The following CCZ1 variants were observed in gnomAD, a reference collection of about 807,000 sequenced individuals.
The protein encoded by CCZ1 is vacuolar fusion protein CCZ1 homolog.
In CCZ1, 19 loss-of-function variants were observed where a neutral mutation model predicts 57.8. The ratio of observed to expected loss-of-function variants is 0.33; its 90% CI spans 0.23 to 0.48. The LOEUF is 0.48. Ranked by LOEUF, CCZ1 falls within the 20% of genes least tolerant of loss-of-function variation. CCZ1 has a pLI of 0.99. For synonymous variants in CCZ1, 81 were observed against 167.0 expected (o/e 0.49, Z 3.97); for missense variants, 200 against 492.0 (o/e 0.41, Z 5.61).
At position 5,920,470 on chromosome 7, in the gene CCZ1, CTT is replaced by C. The variant is rs200899553; in HGVS notation, c.1106+520_1106+521del. Among the ~76,000 whole-genome samples, 28 of 95,974 alleles carry C rather than the reference CTT, an allele frequency of 2.9e-4. 2 individuals carry two copies. The highest frequency in any genetic ancestry group is 3.8e-4 in the African/African-American group (9 of 23,756). The allele number at this position is 95,974 out of a possible 152,430, so 63.0% of individuals were successfully genotyped here. A position where few individuals can be genotyped will look rare whatever the true frequency, so the allele number is the denominator to read the frequency against. On this transcript the variant is annotated intron_variant, in intron 12 of 14. Transcript: ENST00000325974. ...ATGTCCTTGAATTCTTTCTCCCTGG[CTT>C]TTTTTTTTTTTTTTTGAGACAAATT...
At chr7:5,914,119 G>A (rs182708737) in intron 10 of CCZ1, among the ~76,000 whole-genome samples, 1 of 147,522 alleles carries the variant, frequency 6.8e-6, no homozygotes, top group Non-Finnish European at 1.5e-5. Context: ...TTAAAAATTA[G>A]TATCCACTAA....
rs542018147 is a variant in CCZ1 at position 5,910,411 on chromosome 7, G to C, written c.780+295G>C. Among the ~76,000 whole-genome samples the C allele has an allele frequency of 2.7e-5, 4 of 149,354 alleles. 1 individual carries two copies. The East Asian group carries it at 8.7e-4, about 33-fold the overall frequency. ...AGACGGAGTCTCGAACTTTCGCCTGGGATGGAGAGGTTCAAGCAATTCTCC... is the reference window on the plus strand; with the variant it reads ...AGACGGAGTCTCGAACTTTCGCCTGCGATGGAGAGGTTCAAGCAATTCTCC... On this transcript the variant is annotated intron_variant, in intron 8 of 14. Transcript: ENST00000325974.
intron 7 of CCZ1, among the ~76,000 whole-genome samples, chr7:5,908,851 T>G (rs566914403): frequency 6.8e-6 from 1 of 147,148 alleles, no homozygotes; most frequent in East Asian, 2.2e-4. Flanking sequence ...GCCTGAAAGC[T>G]TGTTTTTCTC....
intron 5 of CCZ1, 104 bp downstream of exon 5, chr7:5,901,808 C>G: frequency 7.0e-7 from 1 of 1,434,674 alleles, no homozygotes; most frequent in Non-Finnish European, 9.3e-7. Flanking sequence ...CAAAGTGACT[C>G]TGTATTTGTC....
chr7:5,899,336 T>TGTGTGG (rs1326271034), intron 1 of CCZ1, among the ~76,000 whole-genome samples: 110 of 1,194 alleles, frequency 0.092, no homozygotes, highest in African/African-American at 0.18. Flanking sequence ...GGGAGGGGGG[T>TGTGTGG]GTGTGTGTGT....
intron 10 of CCZ1, among the ~76,000 whole-genome samples, chr7:5,915,781 C>CCCTG (rs1248044637): frequency 7.8e-6 from 1 of 127,916 alleles, no homozygotes; most frequent in Non-Finnish European, 1.7e-5. Context: ...TTCCAAAACC[C>CCCTG]CCGGGAGGTG....
intron 9 of CCZ1, among the ~76,000 whole-genome samples, chr7:5,912,377 CTTTTTTTTTTTTTTTTTTTTTTT>C (rs4036238): frequency 1.8e-5 from 1 of 54,672 alleles, no homozygotes; most frequent in Non-Finnish European, 3.2e-5. Context: ...TCAGCATACC[CTTTTTTTTTTTTTTTTTTTTTTT>C]TTTTTTTTTT....
chr7:5,904,059 A>G (rs1286590755), intron 6 of CCZ1, among the ~76,000 whole-genome samples: 1 of 138,240 alleles, frequency 7.2e-6, no homozygotes, highest in African/African-American at 2.8e-5. Context: ...AGGTTAGTCT[A>G]ATTTGAAGAG....
rs944270384 is a variant in CCZ1, at chr7:5,905,103, A to G, written c.532A>G (p.Thr178Ala). 6.3e-7 allele frequency: 1 copy of G among 1,599,082 alleles called. No individual in the cohort carries two copies. The highest frequency in any genetic ancestry group is 1.4e-5 in the African/African-American group (1 of 71,180). Residue 178 changes from threonine to alanine, a missense_variant, in exon 7 of 15, where the codon ACG becomes GCG. Transcript: ENST00000325974. ...LEKFFHRYLQ[T>A]LHLQSCDLLD... is the part of the protein sequence containing the mutation. ...ATTTTTTTTCCCACAGTATTTGCAA[A>G]CGCTACATTTGCAGTCATGTGACCT...
rs1180520405 is a variant in CCZ1, at chr7:5,906,360, G to A, written c.698+1091G>A. Among the ~76,000 whole-genome samples the A allele has an allele frequency of 4.6e-5, 6 of 130,212 alleles. 1 individual carries two copies. Among genetic ancestry groups the A allele is most frequent in the African/African-American group, 1.5e-4 (5 of 34,038 alleles). The allele number at this position is 130,212 out of a possible 152,430, so 85.4% of individuals were successfully genotyped here. On this transcript the variant is annotated intron_variant, in intron 7 of 14. Transcript: ENST00000325974. ...TTTTTTTGAGACGGAGTCTCACTCT[G>A]TTGCCAGGCTGGAGTACAGTGGCGC...
Position 5,905,274 on chromosome 7 carries a change from G to A in CCZ1, c.698+5G>A, listed in dbSNP as rs1562539230. Reference sequence around the variant, plus strand: ...CTATAACGATCAGCTCATCTGGTAGGTACACCCCGAGGCATGGTATTAAAA... The same window carrying A: ...CTATAACGATCAGCTCATCTGGTAGATACACCCCGAGGCATGGTATTAAAA... On this transcript the variant is annotated splice_donor_5th_base_variant and intron_variant, in intron 7 of 14. Coordinates refer to ENST00000325974, the MANE Select transcript of CCZ1 (RefSeq NM_015622.6). 2.1e-6 allele frequency: 3 copies of A among 1,460,130 alleles called. No homozygotes were observed. The highest frequency in any genetic ancestry group is 2.8e-6 in the Non-Finnish European group (3 of 1,082,496). The allele number at this position is 1,460,130 out of a possible 1,614,324, so 90.4% of individuals were successfully genotyped here.
chr7:5,911,270 T>C (rs11973674), intron 8 of CCZ1, among the ~76,000 whole-genome samples: 4,353 of 148,612 alleles, frequency 0.029, 430 homozygotes, highest in African/African-American at 0.1. Flanking sequence ...CATACAAAAA[T>C]CATTTTGGCT....
chr7:5,905,916 T>C (rs1390315912), intron 7 of CCZ1, among the ~76,000 whole-genome samples: 2 of 138,394 alleles, frequency 1.4e-5, no homozygotes, highest in South Asian at 5.1e-4. Context: ...TTTTTTTTTT[T>C]TCTTTCTTAT....
At chr7:5,920,954 T>TTG (rs1554283011) in intron 12 of CCZ1, among the ~76,000 whole-genome samples, 3 of 87,224 alleles carry the variant, frequency 3.4e-5, no homozygotes, top group East Asian at 3.1e-4. Context: ...TTTTTGGGTT[T>TTG]TTTTTTTTTT....
intron 10 of CCZ1, among the ~76,000 whole-genome samples, chr7:5,914,578 C>G (rs113145263): frequency 8.2e-6 from 1 of 122,636 alleles, no homozygotes; most frequent in African/African-American, 2.7e-5. Context: ...ACAGATAAGA[C>G]AAAAGAAAGA....
In CCZ1 at chr7:5,925,906, C is replaced by T; in HGVS notation, c.*219C>T. ...GTAGTTGGCTATATCGCTATCATTT[C>T]ATTCTTTTGACATTATGTGAATATT... On this transcript the variant is annotated 3_prime_UTR_variant, in exon 15 of 15. Transcript: ENST00000325974. The T allele has an allele frequency of 3.0e-6, 2 of 673,568 alleles. No individual in the cohort carries two copies. Among genetic ancestry groups the T allele is most frequent in the Non-Finnish European group, 5.2e-6 (2 of 386,574 alleles). The allele number at this position is 673,568 out of a possible 1,614,324, so 41.7% of individuals were successfully genotyped here. A position where few individuals can be genotyped will look rare whatever the true frequency, so the allele number is the denominator to read the frequency against.
chr7:5,907,292 A>T (rs1374724751), intron 7 of CCZ1, among the ~76,000 whole-genome samples: 1 of 149,596 alleles, frequency 6.7e-6, no homozygotes, highest in African/African-American at 2.5e-5. Flanking sequence ...AGGAGATGGG[A>T]GGCTAGTTGT....
At position 5,916,498 on chromosome 7, in the gene CCZ1, G is replaced by GTTTT. The variant is rs764065119; in HGVS notation, c.955-2366_955-2363dup. ...GTTTGGTTTTTTGGGTTTTTGTTTT[G>GTTTT]TTTTTTGTTTTTTTTTTTTTTGGTT... On this transcript the variant is annotated intron_variant, in intron 10 of 14. Transcript: ENST00000325974. Among the ~76,000 whole-genome samples, 3 of 111,014 alleles carry GTTTT rather than the reference G, an allele frequency of 2.7e-5. No individual in the cohort carries two copies. In the South Asian group the frequency reaches 9.4e-4, roughly 35 times the overall value. 72.8% of individuals were successfully genotyped at this position (111,014 alleles called of 152,430 possible).
At chr7:5,900,238 T>C in intron 1 of CCZ1, 46 bp from the exon 2 acceptor site, 2 of 1,328,724 alleles carry the variant, frequency 1.5e-6, no homozygotes, top group Non-Finnish European at 2.0e-6. Flanking sequence ...ATAGCTAAGA[T>C]GAAATGTTTC....
Sources: gnomAD v4.1 joint callset for allele counts (sites outside exome capture counted in the v4.1 genomes callset) on GRCh38, gnomAD v4.1.1 for gene constraint, MANE v1.5 for transcripts, NCBI Gene and HGNC (gene_info 2026-07-23, HGNC 2026-07-21) for gene names.